SULF2: variants seen among roughly 807,000 people sequenced by gnomAD.
The protein encoded by SULF2 is extracellular sulfatase Sulf-2.
Under a neutral mutation model 107.7 loss-of-function variants are expected in SULF2, and 52 were observed. That is an observed-to-expected ratio of 0.48 (90% confidence interval 0.39 to 0.61). The LOEUF (loss-of-function observed/expected upper bound fraction) is 0.61. SULF2 is among the 20% of genes least tolerant of loss of function. SULF2 has a pLI of 0.00. For synonymous variants in SULF2, 460 were observed against 464.3 expected, an observed-to-expected ratio of 0.99 and a Z score of 0.12; for missense variants, 993 against 1,177.3, an observed-to-expected ratio of 0.84 and a Z score of 2.29.
intron 4 of SULF2, among the ~76,000 whole-genome samples, chr20:47,701,938 C>A (rs944853669): frequency 3.9e-5 from 6 of 152,138 alleles, no homozygotes; most frequent in African/African-American, 1.4e-4. Context: ...GTTCAGTGTG[C>A]GGCAAGCCTT....
In SULF2 at chr20:47,678,765, G is replaced by T. The variant is rs760052267; in HGVS notation, c.1104C>A (p.Thr368=). ...TGTCCAGGCCTGCAATGTCCAGGAT[G>T]GTGGGGGCCAGGTCAATGTTGAGGA... ...HIVLNIDLAP[T]ILDIAGLDIP... is the part of the protein sequence containing the mutation. Residue 368 remains threonine, a synonymous_variant, in exon 8 of 21, where the codon ACC becomes ACA. Transcript: ENST00000688720. The surrounding 1 kb of genome is among the most constrained non-coding windows in gnomAD (Gnocchi z 4.5). The T allele has an allele frequency of 6.2e-7, 1 of 1,614,030 alleles. No individual in the cohort carries two copies. Among genetic ancestry groups the T allele is most frequent in the Admixed American group, 1.7e-5 (1 of 60,014 alleles).
At chr20:47,700,594 G>A (rs1406073026) in intron 4 of SULF2, among the ~76,000 whole-genome samples, 1 of 151,638 alleles carries the variant, frequency 6.6e-6, no homozygotes, top group East Asian at 1.9e-4. Flanking sequence ...AAGGGATGCA[G>A]GGCAACTCCC....
intron 3 of SULF2, among the ~76,000 whole-genome samples, chr20:47,717,588 T>C (rs1374204402): frequency 6.6e-6 from 1 of 152,072 alleles, no homozygotes; most frequent in Non-Finnish European, 1.5e-5. Context: ...TCAGACTATC[T>C]CCGAAGTGCT....
At chr20:47,691,200 G>C (rs1161744626) in intron 4 of SULF2, among the ~76,000 whole-genome samples, 2 of 152,206 alleles carry the variant, frequency 1.3e-5, no homozygotes, top group Non-Finnish European at 2.9e-5. Context: ...ACTGGGGCAG[G>C]AGCAGACACA....
At chr20:47,737,761 T>TG (rs2089777461) in intron 2 of SULF2, among the ~76,000 whole-genome samples, 1 of 132,110 alleles carries the variant, frequency 7.6e-6, no homozygotes, top group Non-Finnish European at 1.6e-5. Context: ...CTTTGTTTTT[T>TG]TTTTTTTTTT....
chr20:47,707,712 C>A (rs2088794515), intron 3 of SULF2, among the ~76,000 whole-genome samples: 1 of 152,156 alleles, frequency 6.6e-6, no homozygotes, highest in Non-Finnish European at 1.5e-5. Flanking sequence ...CTCCTAAAAG[C>A]AAAGCAGTAC....
rs531471078 is a variant in SULF2, at chr20:47,663,008, G to C, written c.2370+62C>G. ...TCATCACTTCCCTGAGGTTGGGGGG[G>C]GCCTACCTGGCAGCACTGGTGTACC... is the stretch of plus-strand genomic sequence containing the variant. On this transcript the variant is annotated intron_variant, in intron 17 of 20. Coordinates refer to ENST00000688720, the MANE Select transcript of SULF2 (RefSeq NM_001387048.1). 5.0e-5 allele frequency: 80 copies of C among 1,594,894 alleles called. 1 individual carries two copies. Among genetic ancestry groups the C allele is most frequent in the South Asian group, 2.3e-4 (21 of 89,926 alleles).
Position 47,661,900 on chromosome 20 carries a change from G to A in SULF2, c.2371-4C>T. 6.5e-7 allele frequency: 1 copy of A among 1,539,392 alleles called. No individual in the cohort carries two copies. The highest frequency in any genetic ancestry group is 1.2e-5 in the South Asian group (1 of 82,042). ...GTGTGTTCACTGCATTCATCAGCTG[G>A]TTGCAAAAAAGGTAGTCTGTCAACA... On this transcript the variant is annotated splice_polypyrimidine_tract_variant and splice_region_variant and intron_variant, in intron 17 of 20. Coordinates refer to ENST00000688720, the MANE Select transcript of SULF2 (RefSeq NM_001387048.1).
rs887395577 is a variant in SULF2 at position 47,759,083 on chromosome 20, C to T, written c.-100-1620G>A. On this transcript the variant is annotated intron_variant, in intron 1 of 20. Coordinates refer to ENST00000688720, the MANE Select transcript of SULF2 (RefSeq NM_001387048.1). ...TCTTCCTAAAATACAGATCAGATCACAGCACTGGGCAGGGGAGGGCACAGT... is the reference window on the plus strand; with the variant it reads ...TCTTCCTAAAATACAGATCAGATCATAGCACTGGGCAGGGGAGGGCACAGT... Among the ~76,000 whole-genome samples the T allele has an allele frequency of 8.5e-5, 13 of 152,310 alleles. No homozygotes were observed. The Middle Eastern group carries it at 0.01, about 120-fold the overall frequency.
chr20:47,769,030 G>A (rs1055811302), intron 1 of SULF2, among the ~76,000 whole-genome samples: 2 of 127,844 alleles, frequency 1.6e-5, no homozygotes, highest in South Asian at 2.9e-4. Flanking sequence ...ACAGGCACCC[G>A]CCACCATGCC....
chr20:47,661,548 G>C, intron 18 of SULF2: 1 of 381,124 alleles, frequency 2.6e-6, no homozygotes, highest in Admixed American at 4.6e-5. Context: ...ACGGAATTCC[G>C]TGTGTTTCCT....
At chr20:47,777,384 T>G (rs1409976043) in intron 1 of SULF2, among the ~76,000 whole-genome samples, 3 of 151,078 alleles carry the variant, frequency 2.0e-5, no homozygotes, top group African/African-American at 7.4e-5. Flanking sequence ...TGTCCTATAG[T>G]CCCACTTTGT....
chr20:47,691,166 T>C (rs1289905495), intron 4 of SULF2, among the ~76,000 whole-genome samples: 1 of 152,182 alleles, frequency 6.6e-6, no homozygotes, highest in African/African-American at 2.4e-5. Flanking sequence ...GGTGGGTATA[T>C]CCCTAAGTCC....
chr20:47,778,527 G>A (rs933132993), intron 1 of SULF2, among the ~76,000 whole-genome samples: 3 of 152,216 alleles, frequency 2.0e-5, no homozygotes, highest in Admixed American at 2.0e-4. Flanking sequence ...TGGTTACAGA[G>A]AATTCCAAGA....
chr20:47,748,183 C>G (rs2090086683), intron 2 of SULF2, among the ~76,000 whole-genome samples: 1 of 152,222 alleles, frequency 6.6e-6, no homozygotes, highest in South Asian at 2.1e-4. Context: ...CTCTGCCGCC[C>G]TCTTCCCCAT....
chr20:47,761,792 T>C (rs889262884), intron 1 of SULF2, among the ~76,000 whole-genome samples: 2 of 152,214 alleles, frequency 1.3e-5, no homozygotes, highest in African/African-American at 2.4e-5. Context: ...TCAAACTATG[T>C]TGTGTATCTG....
At chr20:47,702,459 G>C in intron 4 of SULF2, 60 bp downstream of exon 4, 1 of 1,574,856 alleles carries the variant, frequency 6.3e-7, no homozygotes, top group Non-Finnish European at 8.6e-7. Context: ...TGGCTCCTGA[G>C]TTGGGCCTCT....
intron 3 of SULF2, among the ~76,000 whole-genome samples, chr20:47,711,799 C>T (rs552258430): frequency 6.6e-6 from 1 of 152,362 alleles, no homozygotes; most frequent in Admixed American, 6.5e-5. Context: ...CATATACACA[C>T]ATGCATGAAT....
At chr20:47,707,468 G>A (rs1017496926) in intron 3 of SULF2, among the ~76,000 whole-genome samples, 1 of 152,120 alleles carries the variant, frequency 6.6e-6, no homozygotes. Context: ...AGGTTGCCTC[G>A]AGAGACAATG....
Sources: allele counts gnomAD v4.1 joint callset (sites outside exome capture counted in the v4.1 genomes callset), GRCh38; gene constraint gnomAD v4.1.1; non-coding constraint Gnocchi (gnomAD v3.1); transcripts MANE v1.5; gene names NCBI Gene and HGNC (gene_info 2026-07-23, HGNC 2026-07-21).